GMDS: variants seen among roughly 807,000 people sequenced by gnomAD.
GMDS encodes the protein GDP-mannose 4,6-dehydratase.
A neutral mutation model predicts 49.9 loss-of-function variants in GMDS; 20 were observed. The ratio of observed to expected loss-of-function variants is 0.40; its 90% CI spans 0.28 to 0.58. The LOEUF is 0.58. Among genes scored for constraint, GMDS ranks in the 20% least tolerant of loss-of-function variants. GMDS has a pLI of 0.42. For synonymous variants in GMDS, 177 were observed against 178.6 expected, an observed-to-expected ratio of 0.99 and a Z score of 0.07; for missense variants, 362 against 481.4, an observed-to-expected ratio of 0.75 and a Z score of 2.32.
At chr6:1,705,653 G>A (rs140239741) in intron 9 of GMDS, among the ~76,000 whole-genome samples, 87 of 152,286 alleles carry the variant, frequency 5.7e-4, no homozygotes, top group African/African-American at 2.1e-3. Flanking sequence ...TTGGAATCAC[G>A]GATAATGGAC....
intron 4 of GMDS, among the ~76,000 whole-genome samples, chr6:2,072,962 T>C (rs962107050): frequency 6.6e-6 from 1 of 152,234 alleles, no homozygotes; most frequent in Non-Finnish European, 1.5e-5. Flanking sequence ...TCTTCATTAA[T>C]AGACTATTTT....
At chr6:1,639,732 G>A (rs1192532848) in intron 9 of GMDS, among the ~76,000 whole-genome samples, 2 of 152,232 alleles carry the variant, frequency 1.3e-5, no homozygotes, top group African/African-American at 4.8e-5. Flanking sequence ...ACAAAAACCA[G>A]CCGGGTGTGG....
chr6:2,059,766 T>G (rs1435209481), intron 4 of GMDS, among the ~76,000 whole-genome samples: 1 of 142,018 alleles, frequency 7.0e-6, no homozygotes, highest in Admixed American at 7.2e-5. Context: ...AAAAATGTAT[T>G]TAATCCTTAA....
intron 7 of GMDS, among the ~76,000 whole-genome samples, chr6:1,844,317 G>C (rs1340960412): frequency 6.6e-6 from 1 of 152,106 alleles, no homozygotes; most frequent in African/African-American, 2.4e-5. Flanking sequence ...AAAAGACTAG[G>C]ATGAAAACTT....
intron 9 of GMDS, among the ~76,000 whole-genome samples, chr6:1,694,533 C>CA (rs1259295285): frequency 6.6e-6 from 1 of 152,060 alleles, no homozygotes; most frequent in Non-Finnish European, 1.5e-5. Flanking sequence ...ATATGCTTGT[C>CA]AAAAAAATCA....
chr6:1,969,545 G>A (rs927554306), intron 4 of GMDS, among the ~76,000 whole-genome samples: 5 of 152,136 alleles, frequency 3.3e-5, no homozygotes, highest in African/African-American at 1.2e-4. Context: ...TGTGAAGACA[G>A]GCAAAATTGC....
chr6:1,911,416 T>G (rs934644824), intron 7 of GMDS, among the ~76,000 whole-genome samples: 1 of 152,220 alleles, frequency 6.6e-6, no homozygotes, highest in African/African-American at 2.4e-5. Flanking sequence ...AATAAATTTT[T>G]AAGCACAAAG....
In GMDS at chr6:2,234,679, G is replaced by A. The variant is rs1326799878; in HGVS notation, c.102+10642C>T. 3.9e-5 allele frequency among the ~76,000 whole-genome samples: 6 copies of A among 152,130 alleles called. No homozygotes were observed. In the East Asian group the frequency reaches 5.8e-4, roughly 15 times the overall value. On this transcript the variant is annotated intron_variant, in intron 1 of 10. Coordinates refer to ENST00000380815, the MANE Select transcript of GMDS (RefSeq NM_001500.4). ...GAAAAGACATAAATTTTCTGACCTCGAGGGCAGGCCCTATTAGCATATGGT... is the reference window on the plus strand; with the variant it reads ...GAAAAGACATAAATTTTCTGACCTCAAGGGCAGGCCCTATTAGCATATGGT...
chr6:2,085,951 T>C (rs1025302686), intron 4 of GMDS, among the ~76,000 whole-genome samples: 2 of 152,208 alleles, frequency 1.3e-5, no homozygotes, highest in African/African-American at 2.4e-5. Context: ...CTGAGCTTAT[T>C]TTCTGAATAA....
intron 7 of GMDS, among the ~76,000 whole-genome samples, chr6:1,807,760 C>T (rs912017358): frequency 2.6e-5 from 4 of 152,188 alleles, no homozygotes; most frequent in Admixed American, 1.3e-4. Flanking sequence ...AGCAGTGGAT[C>T]ATAGAGGTAA....
At chr6:1,629,548 A>G (rs1762937152) in intron 9 of GMDS, among the ~76,000 whole-genome samples, 1 of 152,146 alleles carries the variant, frequency 6.6e-6, no homozygotes, top group African/African-American at 2.4e-5. Context: ...TGGCAGAGGG[A>G]GGAGCAGGCC....
At chr6:1,693,039 G>A (rs1050715801) in intron 9 of GMDS, among the ~76,000 whole-genome samples, 1 of 152,234 alleles carries the variant, frequency 6.6e-6, no homozygotes, top group South Asian at 2.1e-4. Context: ...TTACTTGGAA[G>A]CAGCGGTACT....
chr6:1,797,277 C>T (rs1205692167), intron 7 of GMDS, among the ~76,000 whole-genome samples: 2 of 152,288 alleles, frequency 1.3e-5, no homozygotes, highest in South Asian at 4.1e-4. Context: ...TCCCCACCCC[C>T]CAGTCAGTGG....
intron 1 of GMDS, among the ~76,000 whole-genome samples, chr6:2,127,983 C>G (rs994967994): frequency 4.6e-5 from 7 of 152,192 alleles, no homozygotes; most frequent in African/African-American, 7.2e-5. Context: ...CACAATTATT[C>G]TGGTATAAAG....
At chr6:2,052,916 C>T (rs866151319) in intron 4 of GMDS, among the ~76,000 whole-genome samples, 1 of 152,194 alleles carries the variant, frequency 6.6e-6, no homozygotes. Flanking sequence ...CTGACCTAGA[C>T]CTGTGTCCAA....
At chr6:2,038,112 A>G (rs1427122214) in intron 4 of GMDS, among the ~76,000 whole-genome samples, 1 of 152,090 alleles carries the variant, frequency 6.6e-6, no homozygotes, top group African/African-American at 2.4e-5. Flanking sequence ...TTATAAATTA[A>G]AGCCTGAAGT....
Position 2,124,739 on chromosome 6 carries a change from G to A in GMDS, c.103-8C>T. ...AGCCAGGTAGGAACCATCCTGGGGAGAAAGAAAAAATTGCAAAACGTCAGT... is the reference window on the plus strand; with the variant it reads ...AGCCAGGTAGGAACCATCCTGGGGAAAAAGAAAAAATTGCAAAACGTCAGT... On this transcript the variant is annotated splice_polypyrimidine_tract_variant and splice_region_variant and intron_variant, in intron 1 of 10. Coordinates refer to ENST00000380815, the MANE Select transcript of GMDS (RefSeq NM_001500.4). The A allele has an allele frequency of 6.2e-7, 1 of 1,611,402 alleles. No individual in the cohort carries two copies. The highest frequency in any genetic ancestry group is 8.5e-7 in the Non-Finnish European group (1 of 1,178,042).
intron 7 of GMDS, among the ~76,000 whole-genome samples, chr6:1,897,406 TG>T (rs769290344): frequency 7.9e-5 from 12 of 152,098 alleles, no homozygotes; most frequent in Non-Finnish European, 1.3e-4. Flanking sequence ...GAATTTTGGT[TG>T]GGGTTAGGTG....
intron 7 of GMDS, among the ~76,000 whole-genome samples, chr6:1,892,736 G>A (rs1227924327): frequency 6.6e-6 from 1 of 152,192 alleles, no homozygotes; most frequent in Non-Finnish European, 1.5e-5. Context: ...AAATTTATCA[G>A]GGTGGCTTTA....
Sources: gnomAD v4.1 joint callset for allele counts (sites outside exome capture counted in the v4.1 genomes callset) on GRCh38, gnomAD v4.1.1 for gene constraint, MANE v1.5 for transcripts, NCBI Gene and HGNC (gene_info 2026-07-23, HGNC 2026-07-21) for gene names.